Variants in CNBD1 observed in about 807,000 individuals in gnomAD.
CNBD1 encodes cyclic nucleotide-binding domain-containing protein 1.
CNBD1 carries 71 observed loss-of-function variants against 54.4 expected under a neutral mutation model. That is an observed-to-expected ratio of 1.30 (90% confidence interval 1.08 to 1.59). CNBD1 has a LOEUF of 1.59. CNBD1 is among the 40% of genes most tolerant of loss of function. The probability of loss-of-function intolerance (pLI) is 0.00; values close to 1 mark genes in which losing one functional copy is unlikely to be tolerated. For missense variants in CNBD1, 659 were observed against 518.0 expected (o/e 1.27, Z -2.64); for synonymous variants, 182 against 170.7 (o/e 1.07, Z -0.51).
intron 8 of CNBD1, among the ~76,000 whole-genome samples, chr8:87,332,146 G>GA (rs1809847616): frequency 6.6e-6 from 1 of 152,048 alleles, no homozygotes; most frequent in South Asian, 2.1e-4. Context: ...TCAGGAGTTC[G>GA]AGATCAGCCT....
chr8:86,876,927 G>A (rs939535958), intron 1 of CNBD1, among the ~76,000 whole-genome samples: 1 of 151,904 alleles, frequency 6.6e-6, no homozygotes, highest in Non-Finnish European at 1.5e-5. Flanking sequence ...TTTGCTTTAT[G>A]AATTTTGATG....
At chr8:86,973,346 T>C (rs1326381281) in intron 4 of CNBD1, among the ~76,000 whole-genome samples, 2 of 152,210 alleles carry the variant, frequency 1.3e-5, no homozygotes, top group Non-Finnish European at 2.9e-5. Context: ...ACATGGAATT[T>C]TATATAGAAT....
intron 4 of CNBD1, among the ~76,000 whole-genome samples, chr8:87,015,057 T>C (rs564951464): frequency 6.6e-6 from 1 of 152,190 alleles, no homozygotes; most frequent in Non-Finnish European, 1.5e-5. Context: ...TGTAATTCAG[T>C]TGGCTATAAT....
intron 8 of CNBD1, among the ~76,000 whole-genome samples, chr8:87,319,695 G>C (rs1028108130): frequency 6.6e-6 from 1 of 151,876 alleles, no homozygotes; most frequent in Non-Finnish European, 1.5e-5. Flanking sequence ...CTCAATTTAA[G>C]TTTTTCCTCT....
At chr8:87,208,663 T>C (rs1814029200) in intron 5 of CNBD1, among the ~76,000 whole-genome samples, 1 of 152,066 alleles carries the variant, frequency 6.6e-6, no homozygotes, top group Non-Finnish European at 1.5e-5. Context: ...AAACTTTTAT[T>C]ATCTAGCTTT....
intron 4 of CNBD1, among the ~76,000 whole-genome samples, chr8:87,161,381 T>C (rs965153354): frequency 2.6e-5 from 4 of 152,140 alleles, no homozygotes; most frequent in African/African-American, 9.7e-5. Context: ...AGCTAACGCT[T>C]GCAGATAGTT....
At chr8:87,020,495 C>T (rs1740029728) in intron 4 of CNBD1, among the ~76,000 whole-genome samples, 1 of 151,976 alleles carries the variant, frequency 6.6e-6, no homozygotes, top group African/African-American at 2.4e-5. Context: ...GCTTTTTGGC[C>T]AAGAGTGGGG....
intron 5 of CNBD1, among the ~76,000 whole-genome samples, chr8:87,233,006 G>A (rs534909086): frequency 6.6e-6 from 1 of 151,834 alleles, no homozygotes; most frequent in African/African-American, 2.4e-5. Flanking sequence ...ATTTAAATTG[G>A]CCAAAACTTT....
chr8:86,974,859 T>A lies in CNBD1; in HGVS notation c.431+35105T>A, dbSNP rs536842130. ...TATTATTTCAAATTTACATGTGCAT[T>A]ATGTTTCATCCATATCTTTTACATA... On this transcript the variant is annotated intron_variant, in intron 4 of 10. Coordinates refer to ENST00000518476, the MANE Select transcript of CNBD1 (RefSeq NM_173538.3). Among the ~76,000 whole-genome samples the A allele has an allele frequency of 2.0e-5, 3 of 152,138 alleles. No homozygotes were observed. The South Asian group carries it at 6.2e-4, about 32-fold the overall frequency.
chr8:86,896,692 A>C (rs1054631789), intron 2 of CNBD1, among the ~76,000 whole-genome samples: 2 of 152,184 alleles, frequency 1.3e-5, no homozygotes, highest in African/African-American at 4.8e-5. Flanking sequence ...AAAAAATCAT[A>C]ATTATTAAAA....
At chr8:87,181,475 G>A (rs562647514) in intron 4 of CNBD1, among the ~76,000 whole-genome samples, 1 of 152,250 alleles carries the variant, frequency 6.6e-6, no homozygotes, top group Admixed American at 6.5e-5. Flanking sequence ...CAATAATTCT[G>A]TCCATTTCAT....
At chr8:87,059,676 G>A (rs1428103536) in intron 4 of CNBD1, among the ~76,000 whole-genome samples, 1 of 152,208 alleles carries the variant, frequency 6.6e-6, no homozygotes, top group Non-Finnish European at 1.5e-5. Flanking sequence ...GAATAGCATG[G>A]AGATAGCCAC....
chr8:87,241,728 A>ACATAGGC (rs1807712655), intron 6 of CNBD1, among the ~76,000 whole-genome samples: 1 of 152,126 alleles, frequency 6.6e-6, no homozygotes, highest in Non-Finnish European at 1.5e-5. Flanking sequence ...GTGCCTATGT[A>ACATAGGC]AAAAAATAGT....
chr8:87,158,341 G>A (rs114971227), intron 4 of CNBD1, among the ~76,000 whole-genome samples: 22 of 152,260 alleles, frequency 1.4e-4, no homozygotes, highest in African/African-American at 5.1e-4. Context: ...TCTTAGAACA[G>A]TGCTAGACAT....
At chr8:87,082,721 C>A (rs181682898) in intron 4 of CNBD1, among the ~76,000 whole-genome samples, 1 of 151,976 alleles carries the variant, frequency 6.6e-6, no homozygotes, top group East Asian at 1.9e-4. Context: ...GGTGTTTAGA[C>A]CATATACATT....
At chr8:86,961,132 A>G (rs954384239) in intron 4 of CNBD1, among the ~76,000 whole-genome samples, 2 of 152,230 alleles carry the variant, frequency 1.3e-5, no homozygotes, top group African/African-American at 4.8e-5. Context: ...ATATGACAGT[A>G]AGTGTACAAA....
chr8:86,894,162 C>T (rs1808815432), intron 2 of CNBD1, among the ~76,000 whole-genome samples: 1 of 138,774 alleles, frequency 7.2e-6, no homozygotes. Flanking sequence ...CCCGGGTTCA[C>T]GCCATTCTCC....
At chr8:87,393,259 CT>C (rs1292501871) in intron 2 of CNBD1, among the ~76,000 whole-genome samples, 1 of 151,696 alleles carries the variant, frequency 6.6e-6, no homozygotes, top group African/African-American at 2.4e-5. Context: ...TTTACTCTGA[CT>C]GGACTCAAGC....
chr8:87,336,086 C>T, intron 8 of CNBD1, among the ~76,000 whole-genome samples: 1 of 152,250 alleles, frequency 6.6e-6, no homozygotes, highest in East Asian at 1.9e-4. Context: ...GATAGCCTTC[C>T]CTTTGTAGGT....
Sources: allele counts gnomAD v4.1 joint callset (sites outside exome capture counted in the v4.1 genomes callset), GRCh38; gene constraint gnomAD v4.1.1; transcripts MANE v1.5; gene names NCBI Gene and HGNC (gene_info 2026-07-23, HGNC 2026-07-21).